The following NPAS4 variants were observed in gnomAD, a reference collection of about 807,000 sequenced individuals.
The protein encoded by NPAS4 is neuronal PAS domain protein 4.
In NPAS4, 10 loss-of-function variants were observed where a neutral mutation model predicts 64.0. The ratio of observed to expected loss-of-function variants is 0.16; its 90% CI spans 0.10 to 0.26. The LOEUF is 0.26. Ranked by LOEUF, NPAS4 falls within the 10% of genes least tolerant of loss-of-function variation. The pLI, the probability that NPAS4 is intolerant of heterozygous loss-of-function variation, is 1.00. For missense variants in NPAS4, 886 were observed against 992.6 expected, an observed-to-expected ratio of 0.89 and a Z score of 1.44; for synonymous variants, 441 against 411.7, an observed-to-expected ratio of 1.07 and a Z score of -0.86.
chr11:66,423,785 C>T, intron 6 of NPAS4, 50 bp from the exon 7 acceptor site: 1 of 1,606,500 alleles, frequency 6.2e-7, no homozygotes, highest in Non-Finnish European at 8.5e-7. Flanking sequence ...GGGAACTGCT[C>T]TGGATATGGA....
the NPAS4 span, chr11:66,410,096 G>A: frequency 6.6e-6 from 1 of 152,262 alleles, no homozygotes; most frequent in Admixed American, 6.5e-5. Context: ...GAGTCAAGTG[G>A]ACCCAGCCCT....
At chr11:66,416,346 C>T (rs950886903), upstream of NPAS4, among the ~76,000 whole-genome samples, 3 of 152,146 alleles carry the variant, frequency 2.0e-5, no homozygotes. Context: ...CAAGTGACCC[C>T]ATTTCTGTAG....
chr11:66,424,536 T>C lies in NPAS4; in HGVS notation c.1646T>C (p.Phe549Ser), dbSNP rs1856809154. 2 of 1,614,024 alleles carry C rather than the reference T, an allele frequency of 1.2e-6. No individual in the cohort carries two copies. Among genetic ancestry groups the C allele is most frequent in the Non-Finnish European group, 1.7e-6 (2 of 1,179,998 alleles). Reference sequence around the variant, plus strand: ...CACCTGGACAGCCCCAGCCAAACCTTCCCAGAGCAACTGAGCCCCAACCCT... The same window carrying C: ...CACCTGGACAGCCCCAGCCAAACCTCCCCAGAGCAACTGAGCCCCAACCCT... ...QAHLDSPSQT[F>S]PEQLSPNPTK... is the part of the protein sequence containing the mutation. The change falls in exon 7 of 8, where the codon TTC becomes TCC. Residue 549 changes from phenylalanine to serine, a missense_variant. By Grantham distance (155) the Phe-to-Ser change is radical. Transcript: ENST00000311034.
At position 66,422,887 on chromosome 11, in the gene NPAS4, C is replaced by G. The variant is rs1240569551; in HGVS notation, c.644C>G (p.Ala215Gly). ...PGPGPASLFLAMFQSRHAKDL... is the reference protein window; with the variant it reads ...PGPGPASLFLGMFQSRHAKDL... ...CCTGGCCCTGCCTCGCTCTTCCTGG[C>G]CATGTTCCAGAGCCGCCATGCTAAA... The change falls in exon 4 of 8, where the codon GCC (alanine) becomes GGC (glycine). Residue 215 changes from alanine (A) to glycine (G), a missense_variant. Physicochemically the swap from Ala to Gly is moderately conservative, Grantham distance 60. Around this residue, in one of 3 missense-constraint regions of NPAS4, gnomAD observed 820 missense variants for 855.5 expected, o/e 0.96. Coordinates refer to ENST00000311034, the MANE Select transcript of NPAS4 (RefSeq NM_178864.4). The G allele has an allele frequency of 6.2e-7, 1 of 1,610,612 alleles. No individual in the cohort carries two copies. Among genetic ancestry groups the G allele is most frequent in the East Asian group, 2.2e-5 (1 of 44,894 alleles).
At chr11:66,425,407 C>T in intron 7 of NPAS4, 137 bp downstream of exon 7, 1 of 508,378 alleles carries the variant, frequency 2.0e-6, no homozygotes, top group East Asian at 3.3e-5. Context: ...AAGAGAGTAG[C>T]AGTGGAGATA....
Position 66,424,953 on chromosome 11 carries a change from C to A in NPAS4, c.2063C>A (p.Pro688His). Residue 688 changes from proline to histidine, a missense_variant, in exon 7 of 8, where the codon CCC (proline) becomes CAC (histidine). Physicochemically the swap from Pro to His is moderately conservative, Grantham distance 77. Transcript: ENST00000311034. ...CCTGTGCTCAGCCTGGACCTGAAACCCTGGAAATGCCAGGAGCTGGACTTC... is the reference window on the plus strand; with the variant it reads ...CCTGTGCTCAGCCTGGACCTGAAACACTGGAAATGCCAGGAGCTGGACTTC... ...GPPVLSLDLKPWKCQELDFLA... is the reference protein window; with the variant it reads ...GPPVLSLDLKHWKCQELDFLA... 1 of 1,614,142 alleles carries A rather than the reference C, an allele frequency of 6.2e-7. No homozygotes were observed. The highest frequency in any genetic ancestry group is 8.5e-7 in the Non-Finnish European group (1 of 1,180,020).
chr11:66,418,845 A>G (rs1320948750), upstream of NPAS4, among the ~76,000 whole-genome samples: 3 of 152,184 alleles, frequency 2.0e-5, no homozygotes, highest in South Asian at 6.2e-4. Context: ...GGCAAACCGT[A>G]GCATGACTTC....
Position 66,424,461 on chromosome 11 carries a change from G to A in NPAS4, c.1571G>A (p.Gly524Asp), listed in dbSNP as rs369757428. Residue 524 changes from glycine (G) to aspartate (D), a missense_variant, in exon 7 of 8, where the codon GGC (glycine) becomes GAC (aspartate). This residue lies in a region of NPAS4 where 820 missense variants were observed against 855.5 expected (regional missense o/e 0.96). Transcript: ENST00000311034. ...ACAGCCACCTTCCCAGAGCCTCTGG[G>A]CAGCCCTGCCCATGAACAGCTGACT... is the stretch of plus-strand genomic sequence containing the variant. ...PSTATFPEPL[G>D]SPAHEQLTPP... 6.2e-7 allele frequency: 1 copy of A among 1,614,080 alleles called. No individual in the cohort carries two copies. The highest frequency in any genetic ancestry group is 8.5e-7 in the Non-Finnish European group (1 of 1,180,010).
In NPAS4 at chr11:66,423,989, C is replaced by T; in HGVS notation, c.1099C>T (p.Leu367=). Residue 367 remains leucine (L), a synonymous_variant, in exon 7 of 8, where the codon CTG becomes TTG. Coordinates refer to ENST00000311034, the MANE Select transcript of NPAS4 (RefSeq NM_178864.4). ...CACTAACCCACTCTTCACCGCAGCA[C>T]TGGGGGCTCCCAGAAGCACCAGCTT... ...SSTNPLFTAA[L]GAPRSTSFPS... is the part of the protein sequence containing the mutation. 2 of 1,614,166 alleles carry T rather than the reference C, an allele frequency of 1.2e-6. No homozygotes were observed. The highest frequency in any genetic ancestry group is 2.2e-5 in the East Asian group (1 of 44,888).
At chr11:66,419,773 C>G, upstream of NPAS4, among the ~76,000 whole-genome samples, 1 of 152,104 alleles carries the variant, frequency 6.6e-6, no homozygotes, top group South Asian at 2.1e-4. Context: ...GAAAAAGAAA[C>G]GAAGGTGGAA....
chr11:66,414,198 G>A, the NPAS4 span, among the ~76,000 whole-genome samples: 1 of 152,206 alleles, frequency 6.6e-6, no homozygotes, highest in South Asian at 2.1e-4. Context: ...GAATTTGCCA[G>A]CTGGGAGTGG....
In NPAS4 at chr11:66,423,645, A is replaced by G. The variant is rs370275301; in HGVS notation, c.876A>G (p.Ala292=). The G allele has an allele frequency of 1.9e-6, 3 of 1,614,166 alleles. No individual in the cohort carries two copies. Among genetic ancestry groups the G allele is most frequent in the South Asian group, 1.1e-5 (1 of 91,082 alleles). Residue 292 remains alanine (A), a synonymous_variant, in exon 6 of 8, where the codon GCA becomes GCG. Transcript: ENST00000311034. ...VRLQAKTGGW[A]WIYCLLYSEG... ...TACAGGCCAAGACTGGAGGCTGGGC[A>G]TGGATTTACTGCCTGTTATACTCAG...
chr11:66,421,650 C>A (rs767546513), intron 1 of NPAS4, among the ~76,000 whole-genome samples: 12 of 152,212 alleles, frequency 7.9e-5, no homozygotes, highest in Non-Finnish European at 1.5e-4. Flanking sequence ...CTCCGGGAGC[C>A]GGGGAGGGAA....
At chr11:66,423,371 T>C in intron 5 of NPAS4, 139 bp downstream of exon 5, 1 of 800,348 alleles carries the variant, frequency 1.2e-6, no homozygotes, top group African/African-American at 1.7e-5. Context: ...AGGGTGAACA[T>C]GAAGGTGAGG....
At chr11:66,421,602 AG>A (rs1274318915) in intron 1 of NPAS4, among the ~76,000 whole-genome samples, 1 of 152,238 alleles carries the variant, frequency 6.6e-6, no homozygotes, top group Admixed American at 6.5e-5. Flanking sequence ...GATAAGAGCC[AG>A]GACAGAGCGG....
chr11:66,425,823 T>A (rs1856831490), intron 7 of NPAS4, 138 bp from the exon 8 acceptor site: 1 of 677,554 alleles, frequency 1.5e-6, no homozygotes, highest in Non-Finnish European at 2.7e-6. Context: ...CCCCCTAATC[T>A]ACTGAGCCTC....
chr11:66,423,797 G>T, intron 6 of NPAS4, 38 bp from the exon 7 acceptor site: 1 of 1,601,484 alleles, frequency 6.2e-7, no homozygotes, highest in Non-Finnish European at 8.5e-7. Flanking sequence ...GGATATGGAC[G>T]TCGGACCCTT....
Position 66,425,043 on chromosome 11 carries a change from C to G in NPAS4, c.2153C>G (p.Ser718Cys). 5 of 1,612,482 alleles carry G rather than the reference C, an allele frequency of 3.1e-6. No homozygotes were observed. Among genetic ancestry groups the G allele is most frequent in the Non-Finnish European group, 4.2e-6 (5 of 1,179,172 alleles). Residue 718 changes from serine to cysteine, a missense_variant, in exon 7 of 8, where the codon TCT becomes TGT. Physicochemically the swap from Ser to Cys is moderately radical, Grantham distance 112 (BLOSUM62 -1). This residue lies in a region of NPAS4 where 820 missense variants were observed against 855.5 expected (regional missense o/e 0.96). Transcript: ENST00000311034. ...TPVEDIFMDL[S>C]TPDPSEEWGS... ...GTGGAAGACATCTTCATGGATCTCT[C>G]TACCCCAGATCCCAGTGAGGAATGG...
At chr11:66,411,689 G>T in the NPAS4 span, among the ~76,000 whole-genome samples, 1 of 152,122 alleles carries the variant, frequency 6.6e-6, no homozygotes, top group South Asian at 2.1e-4. Context: ...CAGCCGTAAG[G>T]GTCACTCTCC....
Sources: allele counts gnomAD v4.1 joint callset (sites outside exome capture counted in the v4.1 genomes callset), GRCh38; gene constraint gnomAD v4.1.1; regional missense constraint gnomAD v4.1.1; transcripts MANE v1.5; gene names NCBI Gene and HGNC (gene_info 2026-07-23, HGNC 2026-07-21).